Variants in MEGF6 observed in about 807,000 individuals in gnomAD.
The protein encoded by MEGF6 is multiple epidermal growth factor-like domains protein 6.
Under a neutral mutation model 207.1 loss-of-function variants are expected in MEGF6, and 184 were observed. The observed-to-expected ratio is 0.89, with a 90% CI of 0.79 to 1.00. The LOEUF (loss-of-function observed/expected upper bound fraction) is 1.00, where lower values mean the gene tolerates loss of function less well. MEGF6 is among the 50% of genes least tolerant of loss of function. The pLI, the probability that MEGF6 is intolerant of heterozygous loss-of-function variation, is 0.00. For synonymous variants in MEGF6, 1,038 were observed against 910.0 expected (o/e 1.14, Z -2.53); for missense variants, 2,282 against 2,202.9 (o/e 1.04, Z -0.72).
At chr1:3,621,171 G>A in the MEGF6 span, among the ~76,000 whole-genome samples, 1 of 151,708 alleles carries the variant, frequency 6.6e-6, no homozygotes, top group African/African-American at 2.4e-5. Flanking sequence ...ACAAGAGGTG[G>A]AGGAGTAGAG....
At position 3,508,084 on chromosome 1, in the gene MEGF6, A is replaced by G. The variant is rs77454573; in HGVS notation, c.1661-161T>C. ...GCCCATGCTCATGGCAGACATCACTAATTGATCACTGACTCCTCTCTCTGA... is the reference window on the plus strand; with the variant it reads ...GCCCATGCTCATGGCAGACATCACTGATTGATCACTGACTCCTCTCTCTGA... On this transcript the variant is annotated intron_variant, in intron 13 of 36. Coordinates refer to ENST00000356575, the MANE Select transcript of MEGF6 (RefSeq NM_001409.4). 2.8e-3 allele frequency among the ~76,000 whole-genome samples: 432 copies of G among 152,142 alleles called. 13 individuals carry two copies. In the East Asian group the frequency reaches 0.072, roughly 25 times the overall value.
At chr1:3,502,691 C>A (rs1358380982) in intron 17 of MEGF6, among the ~76,000 whole-genome samples, 1 of 152,102 alleles carries the variant, frequency 6.6e-6, no homozygotes, top group Non-Finnish European at 1.5e-5. Context: ...GGATTGGGAC[C>A]CCTGGAGAGG....
chr1:3,531,381 G>C, intron 4 of MEGF6: 1 of 1,169,306 alleles, frequency 8.6e-7, no homozygotes, highest in Non-Finnish European at 1.1e-6. Flanking sequence ...CCCGGGATCC[G>C]CTCCGCTCGG....
chr1:3,527,831 T>C (rs1557751762), intron 4 of MEGF6, among the ~76,000 whole-genome samples: 1 of 152,012 alleles, frequency 6.6e-6, no homozygotes, highest in Non-Finnish European at 1.5e-5. Context: ...AGTGTCCTCC[T>C]GCTACGTGGA....
chr1:3,517,495 G>A (rs1053671808), intron 5 of MEGF6, among the ~76,000 whole-genome samples: 7 of 152,228 alleles, frequency 4.6e-5, no homozygotes, highest in Admixed American at 1.3e-4. Flanking sequence ...CAGTGTCGTC[G>A]CATATATCCT....
intron 5 of MEGF6, among the ~76,000 whole-genome samples, chr1:3,523,912 A>G (rs1314507372): frequency 6.6e-6 from 1 of 152,220 alleles, no homozygotes; most frequent in African/African-American, 2.4e-5. Flanking sequence ...GGGACCTGGC[A>G]ACTTGGCATT....
At chr1:3,605,180 TCAGTCACACACACCCACACACA>T (rs1235358248) in intron 1 of MEGF6, among the ~76,000 whole-genome samples, 1 of 150,218 alleles carries the variant, frequency 6.7e-6, no homozygotes, top group Admixed American at 6.6e-5. Context: ...TTACTCATAC[TCAGTCACACACACCCACACACA>T]CAGTCACACA....
At chr1:3,599,026 T>G (rs1052255809) in intron 2 of MEGF6, among the ~76,000 whole-genome samples, 2 of 152,196 alleles carry the variant, frequency 1.3e-5, no homozygotes, top group African/African-American at 4.8e-5. Flanking sequence ...CGGGCCGGGC[T>G]GGAGCACCCA....
chr1:3,495,976 C>T lies in MEGF6; in HGVS notation c.3785G>A (p.Cys1262Tyr), dbSNP rs1284598533. 22 of 1,574,470 alleles carry T rather than the reference C, an allele frequency of 1.4e-5. No individual in the cohort carries two copies. Among genetic ancestry groups the T allele is most frequent in the Non-Finnish European group, 1.9e-5 (22 of 1,167,662 alleles). The change falls in exon 30 of 37, where the codon TGT (cysteine) becomes TAT (tyrosine). Residue 1262 changes from cysteine to tyrosine, a missense_variant. Coordinates refer to ENST00000356575, the MANE Select transcript of MEGF6 (RefSeq NM_001409.4). Reference protein sequence around the residue: ...GRFGPNCTHVCGCGQGAACDP... With the variant: ...GRFGPNCTHVYGCGQGAACDP... ...GCAGGCCGCCCCCTGCCCACACCCA[C>T]ACACGTGGGTGCAGTTGGGGCCGAA...
chr1:3,524,375 C>A, intron 4 of MEGF6, 129 bp from the exon 5 acceptor site: 1 of 1,203,034 alleles, frequency 8.3e-7, no homozygotes, highest in Non-Finnish European at 1.2e-6. Context: ...CCCATGAGCC[C>A]CTCACCCACA....
intron 1 of MEGF6, among the ~76,000 whole-genome samples, chr1:3,604,432 C>G (rs1371237524): frequency 6.6e-6 from 1 of 152,196 alleles, no homozygotes; most frequent in Non-Finnish European, 1.5e-5. Flanking sequence ...AGCCGAGAAG[C>G]CTCCGCAGCA....
At chr1:3,527,174 A>G (rs1275964489) in intron 4 of MEGF6, among the ~76,000 whole-genome samples, 1 of 152,108 alleles carries the variant, frequency 6.6e-6, no homozygotes, top group African/African-American at 2.4e-5. Flanking sequence ...CCCACCTTCC[A>G]GGCTCCATCC....
chr1:3,523,129 G>T (rs1482278044), intron 5 of MEGF6, among the ~76,000 whole-genome samples: 1 of 152,204 alleles, frequency 6.6e-6, no homozygotes, highest in South Asian at 2.1e-4. Flanking sequence ...GGCAGGACCG[G>T]GAGGGAGGCT....
At chr1:3,592,373 C>A (rs1570217844) in intron 3 of MEGF6, among the ~76,000 whole-genome samples, 2 of 152,250 alleles carry the variant, frequency 1.3e-5, no homozygotes, top group East Asian at 3.9e-4. Context: ...CCAGGCAGCC[C>A]CCCAGACACT....
At chr1:3,570,285 CA>C (rs1643460036) in intron 4 of MEGF6, among the ~76,000 whole-genome samples, 1 of 152,194 alleles carries the variant, frequency 6.6e-6, no homozygotes, top group Non-Finnish European at 1.5e-5. Context: ...CCAGTGAAGC[CA>C]AAGTCAAGCA....
intron 2 of MEGF6, 37 bp from the exon 3 acceptor site, chr1:3,595,484 C>A (rs554549764): frequency 6.4e-7 from 1 of 1,560,422 alleles, no homozygotes; most frequent in Non-Finnish European, 8.8e-7. Context: ...CTTACCGTCG[C>A]GGGACTGGCT....
chr1:3,545,285 G>A (rs1642666116), intron 4 of MEGF6, among the ~76,000 whole-genome samples: 1 of 152,286 alleles, frequency 6.6e-6, no homozygotes, highest in East Asian at 1.9e-4. Flanking sequence ...GACCAGGTAG[G>A]GGGGTCTGGT....
chr1:3,616,663 G>A, the MEGF6 span, among the ~76,000 whole-genome samples: 4 of 152,190 alleles, frequency 2.6e-5, no homozygotes, highest in Non-Finnish European at 5.9e-5. Flanking sequence ...CTGAGTCTAT[G>A]GCCAGCCTTT....
chr1:3,616,420 G>C (rs556203400), upstream of MEGF6, among the ~76,000 whole-genome samples: 1 of 152,122 alleles, frequency 6.6e-6, no homozygotes, highest in African/African-American at 2.4e-5. Flanking sequence ...CGACTGCCCC[G>C]TACCGCCCCG....
Sources: gnomAD v4.1 joint callset for allele counts (sites outside exome capture counted in the v4.1 genomes callset) on GRCh38, gnomAD v4.1.1 for gene constraint, MANE v1.5 for transcripts, NCBI Gene and HGNC (gene_info 2026-07-23, HGNC 2026-07-21) for gene names.